SCO1: variants seen among roughly 807,000 people sequenced by gnomAD.
SCO1 encodes the protein cytochrome c oxidase assembly factor SCO1.
SCO1 carries 23 observed loss-of-function variants against 34.0 expected under a neutral mutation model. That is an observed-to-expected ratio of 0.68 (90% CI 0.49 to 0.96). SCO1 has a LOEUF of 0.96. SCO1 is among the 40% of genes least tolerant of loss of function. The pLI is 0.00. For missense variants in SCO1, 404 were observed against 381.6 expected, an observed-to-expected ratio of 1.06 and a Z score of -0.49; for synonymous variants, 161 against 145.5, an observed-to-expected ratio of 1.11 and a Z score of -0.77.
chr17:10,683,207 G>A (rs972822630), intron 5 of SCO1, among the ~76,000 whole-genome samples: 4 of 152,012 alleles, frequency 2.6e-5, no homozygotes, highest in African/African-American at 7.3e-5. Flanking sequence ...TCTACTATGT[G>A]TATATATCCA....
intron 4 of SCO1, among the ~76,000 whole-genome samples, chr17:10,687,189 A>G (rs1361962932): frequency 6.6e-6 from 1 of 152,212 alleles, no homozygotes; most frequent in African/African-American, 2.4e-5. Context: ...ATTAAATACT[A>G]TAACTTTTCA....
chr17:10,677,238 C>T lies in SCO1; in HGVS notation c.*3881G>A, dbSNP rs151226491. 7,893 of 152,146 alleles carry T rather than the reference C, an allele frequency of 0.052. 700 individuals are homozygous for T. Among genetic ancestry groups the T allele is most frequent in the African/African-American group, 0.18 (7,428 of 41,444 alleles). 9.4% of individuals were successfully genotyped at this position (152,146 alleles called of 1,614,324 possible). A position where few individuals can be genotyped will look rare whatever the true frequency, so the allele number is the denominator to read the frequency against. ...TGGAGAATCGCTTGAACCTGGGAGGCGGAGGTTGCAGTGAGCCAAGATTAT... is the reference window on the plus strand; with the variant it reads ...TGGAGAATCGCTTGAACCTGGGAGGTGGAGGTTGCAGTGAGCCAAGATTAT... On this transcript the variant is annotated 3_prime_UTR_variant, in exon 6 of 6. Coordinates refer to ENST00000255390, the MANE Select transcript of SCO1 (RefSeq NM_004589.4).
At position 10,692,905 on chromosome 17, in the gene SCO1, A is replaced by T; in HGVS notation, c.421T>A (p.Ser141Thr). The T allele has an allele frequency of 1.2e-6, 2 of 1,614,138 alleles. No homozygotes were observed. Among genetic ancestry groups the T allele is most frequent in the South Asian group, 2.2e-5 (2 of 91,078 alleles). ...CGCTCCCCAGTATGAGTTGTGAGGGAAAACGGTCCCCCAAGTAAAGGCTTG... is the reference window on the plus strand; with the variant it reads ...CGCTCCCCAGTATGAGTTGTGAGGGTAAACGGTCCCCCAAGTAAAGGCTTG... ...IGKPLLGGPF[S>T]LTTHTGERKT... The change falls in exon 3 of 6, where the codon TCC becomes ACC. Residue 141 changes from serine to threonine, a missense_variant. Ser to Thr is a moderately conservative substitution (Grantham distance 58). Transcript: ENST00000255390.
chr17:10,691,776 T>C, intron 4 of SCO1, 96 bp downstream of exon 4: 1 of 769,428 alleles, frequency 1.3e-6, no homozygotes, highest in Admixed American at 2.0e-5. Flanking sequence ...GATAATACCA[T>C]TTGTCCTATT....
rs2074571533 is a variant in SCO1, at chr17:10,675,039, C to T, written c.*6080G>A. 6.6e-6 allele frequency: 1 copy of T among 152,204 alleles called. No individual in the cohort carries two copies. Among genetic ancestry groups the T allele is most frequent in the South Asian group, 2.1e-4 (1 of 4,824 alleles). 9.4% of individuals were successfully genotyped at this position (152,204 alleles called of 1,614,324 possible). A position where few individuals can be genotyped will look rare whatever the true frequency, so the allele number is the denominator to read the frequency against. ...TTGCTCCTCCTCAGTGTCAGGGTCC[C>T]AGGGCCCTAGAAGTCTCTAAAAGCC... On this transcript the variant is annotated 3_prime_UTR_variant, in exon 6 of 6. Transcript: ENST00000255390.
At position 10,681,233 on chromosome 17, in the gene SCO1, C is replaced by A. The variant is rs745757782; in HGVS notation, c.792G>T (p.Met264Ile). The change falls in exon 6 of 6, where the codon ATG (methionine) becomes ATT (isoleucine). Residue 264 changes from methionine (M) to isoleucine (I), a missense_variant. Met to Ile is a conservative substitution (Grantham distance 10). Coordinates refer to ENST00000255390, the MANE Select transcript of SCO1 (RefSeq NM_004589.4). ...ACTCACCATCTGGTCCAATCAAGTA[C>A]ATTATTATTGTGTGATCCACCTGCA... ...EDYIVDHTII[M>I]YLIGPDGEFL... The A allele has an allele frequency of 5.0e-6, 8 of 1,613,960 alleles. No homozygotes were observed. The Admixed American group carries it at 5.0e-5, about 10-fold the overall frequency.
intron 4 of SCO1, among the ~76,000 whole-genome samples, chr17:10,687,407 G>T (rs146023618): frequency 2.0e-5 from 3 of 152,164 alleles, no homozygotes; most frequent in Non-Finnish European, 4.4e-5. Flanking sequence ...CATTCACAGC[G>T]TGTATCTGCT....
At chr17:10,696,821 C>A (rs2520171) in intron 1 of SCO1, among the ~76,000 whole-genome samples, 127 of 152,216 alleles carry the variant, frequency 8.3e-4, no homozygotes, top group African/African-American at 3.0e-3. Context: ...TAACTAAGTT[C>A]CACTTTTTGT....
At position 10,695,755 on chromosome 17, in the gene SCO1, T is replaced by C. The variant is rs763555513; in HGVS notation, c.350A>G (p.Lys117Arg). 2 of 1,612,528 alleles carry C rather than the reference T, an allele frequency of 1.2e-6. No individual in the cohort carries two copies. The highest frequency in any genetic ancestry group is 1.7e-6 in the Non-Finnish European group (2 of 1,178,764). ...ALLAGMKHVK[K>R]EKAEKLEKER... is the part of the protein sequence containing the mutation. ...AATCTACTTACTCTCTGCCTTTTCT[T>C]TCTTGACGTGCTTCATTCCAGCCAG... The change falls in exon 2 of 6, where the codon AAA becomes AGA. Residue 117 changes from lysine (K) to arginine (R), a missense_variant. Physicochemically the swap from Lys to Arg is conservative, Grantham distance 26. Coordinates refer to ENST00000255390, the MANE Select transcript of SCO1 (RefSeq NM_004589.4).
At position 10,676,575 on chromosome 17, in the gene SCO1, A is replaced by G. The variant is rs546688132; in HGVS notation, c.*4544T>C. On this transcript the variant is annotated 3_prime_UTR_variant, in exon 6 of 6. Transcript: ENST00000255390. Reference sequence around the variant, plus strand: ...TTGAATAAGTTTCCAAATTTTCACAATAAAAAGGAAAAAAAGAAAACTCAA... The same window carrying G: ...TTGAATAAGTTTCCAAATTTTCACAGTAAAAAGGAAAAAAAGAAAACTCAA... The G allele has an allele frequency of 6.6e-6, 1 of 152,324 alleles. No homozygotes were observed. Among genetic ancestry groups the G allele is most frequent in the African/African-American group, 2.4e-5 (1 of 41,580 alleles). The allele number at this position is 152,324 out of a possible 1,614,324, so 9.4% of individuals were successfully genotyped here.
rs1028783725 is a variant in SCO1 at position 10,678,128 on chromosome 17, A to G, written c.*2991T>C. On this transcript the variant is annotated 3_prime_UTR_variant, in exon 6 of 6. Coordinates refer to ENST00000255390, the MANE Select transcript of SCO1 (RefSeq NM_004589.4). ...GAAACTCTGTCTCAAAAAAGAAAAGAAAAAAAAAACAGCCTTGCTTTTGAT... is the reference window on the plus strand; with the variant it reads ...GAAACTCTGTCTCAAAAAAGAAAAGGAAAAAAAAACAGCCTTGCTTTTGAT... The G allele has an allele frequency of 1.4e-5, 2 of 142,268 alleles. No homozygotes were observed. The highest frequency in any genetic ancestry group is 3.0e-5 in the Non-Finnish European group (2 of 66,898). The allele number at this position is 142,268 out of a possible 1,614,324, so 8.8% of individuals were successfully genotyped here.
chr17:10,680,350 T>G lies in SCO1; in HGVS notation c.*769A>C, dbSNP rs2074613812. The G allele has an allele frequency of 6.6e-6, 1 of 152,572 alleles. No individual in the cohort carries two copies. The highest frequency in any genetic ancestry group is 2.1e-4 in the South Asian group (1 of 4,836). The allele number at this position is 152,572 out of a possible 1,614,324, so 9.5% of individuals were successfully genotyped here. On this transcript the variant is annotated 3_prime_UTR_variant, in exon 6 of 6. Transcript: ENST00000255390. The stretch of plus-strand genomic sequence containing the variant: ...ATCACGCTTGTCTGAACAGCAAAAC[T>G]GAGTATGTTTACTTTACACAAAGTA...
At chr17:10,687,315 C>T (rs2151454497) in intron 4 of SCO1, among the ~76,000 whole-genome samples, 1 of 152,024 alleles carries the variant, frequency 6.6e-6, no homozygotes, top group African/African-American at 2.4e-5. Flanking sequence ...CTACTCTTTA[C>T]TTCTGATTTA....
rs1445990935 is a variant in SCO1 at position 10,673,353 on chromosome 17, T to C, written c.*7766A>G. Reference sequence around the variant, plus strand: ...ACATAGGTATTCCGCAATGTTGACGTCGTCAATCAATCAGTGAATGACTGT... The same window carrying C: ...ACATAGGTATTCCGCAATGTTGACGCCGTCAATCAATCAGTGAATGACTGT... On this transcript the variant is annotated 3_prime_UTR_variant, in exon 6 of 6. Transcript: ENST00000255390. The C allele has an allele frequency of 3.4e-5, 4 of 118,280 alleles. No individual in the cohort carries two copies. Among genetic ancestry groups the C allele is most frequent in the Non-Finnish European group, 7.3e-5 (4 of 54,898 alleles). 7.3% of individuals were successfully genotyped at this position (118,280 alleles called of 1,614,324 possible).
chr17:10,697,238 G>A lies in SCO1; in HGVS notation c.270C>T (p.Pro90=), dbSNP rs1480254973. The change falls in exon 1 of 6, where the codon CCC becomes CCT. Residue 90 remains proline, a synonymous_variant. Transcript: ENST00000255390. ...AGGGTTCCAGGTGTGCACTCACCCC[G>A]GGCTTCGAGGGGCGCGTGGAGTCTC... ...GPGDSTRPSK[P]GPVSWKSLAI... 2.6e-6 allele frequency: 4 copies of A among 1,553,366 alleles called. No homozygotes were observed. Among genetic ancestry groups the A allele is most frequent in the African/African-American group, 1.4e-5 (1 of 73,620 alleles).
At chr17:10,683,377 G>A (rs1429907868) in intron 5 of SCO1, among the ~76,000 whole-genome samples, 1 of 152,120 alleles carries the variant, frequency 6.6e-6, no homozygotes, top group Non-Finnish European at 1.5e-5. Flanking sequence ...CAATGCCATA[G>A]GGTATATTTA....
Position 10,672,922 on chromosome 17 carries a change from A to G in SCO1, c.*8197T>C, listed in dbSNP as rs1412386488. ...TGGATGCTGAGTAGATACATAAAAC[A>G]CTCAAAAGAGAGTTGAAGTTTAGGT... is the stretch of plus-strand genomic sequence containing the variant. On this transcript the variant is annotated 3_prime_UTR_variant, in exon 6 of 6. Coordinates refer to ENST00000255390, the MANE Select transcript of SCO1 (RefSeq NM_004589.4). 6.6e-6 allele frequency: 1 copy of G among 152,052 alleles called. No individual in the cohort carries two copies. The highest frequency in any genetic ancestry group is 1.5e-5 in the Non-Finnish European group (1 of 68,010). The allele number at this position is 152,052 out of a possible 1,614,324, so 9.4% of individuals were successfully genotyped here.
At chr17:10,686,371 G>C (rs1399554445) in intron 5 of SCO1, among the ~76,000 whole-genome samples, 1 of 152,008 alleles carries the variant, frequency 6.6e-6, no homozygotes, top group Non-Finnish European at 1.5e-5. Context: ...GGTAAGGTCA[G>C]GAGTTCGAGA....
rs570504424 is a variant in SCO1 at position 10,681,005 on chromosome 17, T to C, written c.*114A>G. ...CCAAAACAGAAATGTTCTCATGGTA[T>C]GAAGGCCATTCTGTAGAGTGCACGT... On this transcript the variant is annotated 3_prime_UTR_variant, in exon 6 of 6. Coordinates refer to ENST00000255390, the MANE Select transcript of SCO1 (RefSeq NM_004589.4). 3 of 1,253,286 alleles carry C rather than the reference T, an allele frequency of 2.4e-6. No homozygotes were observed. The highest frequency in any genetic ancestry group is 1.2e-5 in the South Asian group (1 of 83,416). 77.6% of individuals were successfully genotyped at this position (1,253,286 alleles called of 1,614,324 possible). A position where few individuals can be genotyped will look rare whatever the true frequency, so the allele number is the denominator to read the frequency against.
Sources: gnomAD v4.1 joint callset for allele counts (sites outside exome capture counted in the v4.1 genomes callset) on GRCh38, gnomAD v4.1.1 for gene constraint, MANE v1.5 for transcripts, NCBI Gene and HGNC (gene_info 2026-07-23, HGNC 2026-07-21) for gene names.